Variants in LRP1B observed in about 807,000 individuals in gnomAD.
The protein encoded by LRP1B is LDL receptor related protein 1B, also known as low-density lipoprotein receptor-related protein 1B.
LRP1B carries 217 observed loss-of-function variants against 556.6 expected under a neutral mutation model. The observed-to-expected ratio is 0.39, with a 90% confidence interval of 0.35 to 0.44. The LOEUF (loss-of-function observed/expected upper bound fraction) is 0.44, where lower values mean the gene tolerates loss of function less well. LRP1B is among the 20% of genes least tolerant of loss of function. The probability of loss-of-function intolerance (pLI) is 1.00; values close to 1 mark genes in which losing one functional copy is unlikely to be tolerated. For synonymous variants in LRP1B, 2,047 were observed against 1,865.8 expected (o/e 1.10, Z -2.50); for missense variants, 5,053 against 5,620.8 (o/e 0.90, Z 3.23).
Position 140,938,126 on chromosome 2 carries a change from T to C in LRP1B, c.3136+12109A>G, listed in dbSNP as rs535507792. 2.0e-5 allele frequency among the ~76,000 whole-genome samples: 3 copies of C among 152,132 alleles called. No homozygotes were observed. In the East Asian group the frequency reaches 5.8e-4, roughly 29 times the overall value. On this transcript the variant is annotated intron_variant, in intron 20 of 90. Coordinates refer to ENST00000389484, the MANE Select transcript of LRP1B (RefSeq NM_018557.3). ...CCATTATATACTTATAAGGATAAGA[T>C]TTTAGCTTGCTGAGACCTTTTCCTC...
intron 35 of LRP1B, among the ~76,000 whole-genome samples, chr2:140,724,926 G>C (rs1687539084): frequency 6.6e-6 from 1 of 152,054 alleles, no homozygotes; most frequent in Admixed American, 6.6e-5. Context: ...TTAAAGGTCA[G>C]AAATATAAGC....
intron 43 of LRP1B, among the ~76,000 whole-genome samples, chr2:140,596,703 G>A (rs1682455655): frequency 6.6e-6 from 1 of 152,156 alleles, no homozygotes; most frequent in African/African-American, 2.4e-5. Flanking sequence ...TTAGCATGAT[G>A]GTTTGCACAG....
Position 141,271,300 on chromosome 2 carries a change from T to C in LRP1B, c.344-16659A>G, listed in dbSNP as rs189344205. ...CATACACATAATGAGAGTAGCAAAA[T>C]AATAAGAAGAAAAGAAGGGAACAGA... On this transcript the variant is annotated intron_variant, in intron 3 of 90. Coordinates refer to ENST00000389484, the MANE Select transcript of LRP1B (RefSeq NM_018557.3). 4.3e-3 allele frequency among the ~76,000 whole-genome samples: 622 copies of C among 145,978 alleles called. 10 individuals carry two copies. Among genetic ancestry groups the C allele is most frequent in the Non-Finnish European group, 2.9e-3 (194 of 65,904 alleles).
At chr2:141,455,915 T>C (rs1457382505) in intron 3 of LRP1B, among the ~76,000 whole-genome samples, 2 of 152,228 alleles carry the variant, frequency 1.3e-5, no homozygotes, top group Non-Finnish European at 2.9e-5. Context: ...TACCACTAAT[T>C]ATCACACTAG....
intron 86 of LRP1B, among the ~76,000 whole-genome samples, chr2:140,252,062 C>CAAAAAAACAAAAAAAAAAAAAAAA (rs1681445484): frequency 5.4e-5 from 1 of 18,558 alleles, no homozygotes; most frequent in Admixed American, 1.1e-3. Flanking sequence ...TGACAAGATG[C>CAAAAAAACAAAAAAAAAAAAAAAA]AAAAAAAAAA....
At chr2:141,801,187 T>C (rs746884632) in intron 2 of LRP1B, among the ~76,000 whole-genome samples, 3 of 152,182 alleles carry the variant, frequency 2.0e-5, no homozygotes, top group Non-Finnish European at 2.9e-5. Context: ...ATTATATGCA[T>C]GTTTGGACGT....
At chr2:140,273,494 A>G (rs1682550526) in intron 85 of LRP1B, among the ~76,000 whole-genome samples, 1 of 152,050 alleles carries the variant, frequency 6.6e-6, no homozygotes, top group South Asian at 2.1e-4. Context: ...TTTAAATTCT[A>G]AAATGAGAGT....
intron 3 of LRP1B, among the ~76,000 whole-genome samples, chr2:141,316,106 C>T (rs1482696640): frequency 6.6e-6 from 1 of 151,850 alleles, no homozygotes; most frequent in Non-Finnish European, 1.5e-5. Context: ...AGAATCACCT[C>T]CCAGGTTTTA....
chr2:141,551,462 C>T (rs1685748189), intron 2 of LRP1B, among the ~76,000 whole-genome samples: 1 of 151,980 alleles, frequency 6.6e-6, no homozygotes, highest in East Asian at 1.9e-4. Context: ...TACACCAAAA[C>T]TCTCATTCAG....
At chr2:141,353,086 A>G (rs181875755) in intron 3 of LRP1B, among the ~76,000 whole-genome samples, 100 of 152,090 alleles carry the variant, frequency 6.6e-4, no homozygotes, top group Admixed American at 2.2e-3. Context: ...GAGTCATGTC[A>G]TAAGTCAAAA....
At chr2:141,552,858 T>C (rs1191613207) in intron 2 of LRP1B, among the ~76,000 whole-genome samples, 2 of 151,940 alleles carry the variant, frequency 1.3e-5, no homozygotes. Context: ...CATGGCACCA[T>C]CTCTTAAAAG....
intron 7 of LRP1B, among the ~76,000 whole-genome samples, chr2:141,069,070 T>A (rs1699562355): frequency 6.6e-6 from 1 of 152,064 alleles, no homozygotes; most frequent in African/African-American, 2.4e-5. Context: ...TTATCTCTTT[T>A]AAATTCAATA....
rs572325724 is a variant in LRP1B at position 140,495,591 on chromosome 2, T to A, written c.9008A>T (p.Asn3003Ile). 7.5e-6 allele frequency: 12 copies of A among 1,595,076 alleles called. No homozygotes were observed. In the East Asian group the frequency reaches 2.0e-4, roughly 27 times the overall value. ...CTDGYEIQPD[N>I]PNGCKSLSDE... ...TGAGAGCGATTTGCAGCCATTTGGG[T>A]TATCAGGTTGTATTTCATACCCATC... is the stretch of plus-strand genomic sequence containing the variant. Residue 3003 changes from asparagine to isoleucine, a missense_variant, in exon 56 of 91, where the codon AAC becomes ATC. Asn to Ile is a moderately radical substitution (Grantham distance 149). Around this residue, in one of 5 missense-constraint regions of LRP1B, gnomAD observed 3,619 missense variants for 3,931.9 expected, o/e 0.92. Coordinates refer to ENST00000389484, the MANE Select transcript of LRP1B (RefSeq NM_018557.3).
At chr2:141,092,786 A>G (rs1368094143) in intron 7 of LRP1B, among the ~76,000 whole-genome samples, 1 of 152,214 alleles carries the variant, frequency 6.6e-6, no homozygotes, top group Non-Finnish European at 1.5e-5. Context: ...ACAAATGTTC[A>G]TGAGAGTTCA....
At chr2:140,248,073 C>T (rs571511418) in intron 86 of LRP1B, among the ~76,000 whole-genome samples, 3 of 151,734 alleles carry the variant, frequency 2.0e-5, no homozygotes, top group African/African-American at 7.2e-5. Context: ...GAACTCTGGG[C>T]ATGGTGGGCC....
intron 35 of LRP1B, among the ~76,000 whole-genome samples, chr2:140,766,859 T>TATATATATAATATATATATATA (rs1689137196): frequency 2.0e-5 from 1 of 50,214 alleles, no homozygotes; most frequent in African/African-American, 4.5e-5. Context: ...TATATATATA[T>TATATATATAATATATATATATA]ATATATAATA....
At chr2:141,878,650 G>A (rs1698851101) in intron 1 of LRP1B, among the ~76,000 whole-genome samples, 1 of 151,900 alleles carries the variant, frequency 6.6e-6, no homozygotes, top group Non-Finnish European at 1.5e-5. Context: ...ATAAATTAAT[G>A]TGTATATTAA....
chr2:141,647,093 G>A (rs1477672014), intron 2 of LRP1B, among the ~76,000 whole-genome samples: 2 of 152,142 alleles, frequency 1.3e-5, no homozygotes, highest in Non-Finnish European at 2.9e-5. Flanking sequence ...GGGGAAGAAG[G>A]TCCTGAGTAG....
At chr2:141,154,575 A>C (rs1702018751) in intron 7 of LRP1B, among the ~76,000 whole-genome samples, 1 of 151,914 alleles carries the variant, frequency 6.6e-6, no homozygotes, top group African/African-American at 2.4e-5. Context: ...TTTAGGGAGA[A>C]TAATGGCTGT....
Sources: allele counts gnomAD v4.1 joint callset (sites outside exome capture counted in the v4.1 genomes callset), GRCh38; gene constraint gnomAD v4.1.1; regional missense constraint gnomAD v4.1.1; transcripts MANE v1.5; gene names NCBI Gene and HGNC (gene_info 2026-07-23, HGNC 2026-07-21).